The following CCDC150 variants were observed in gnomAD, a reference collection of about 807,000 sequenced individuals.
CCDC150 encodes coiled-coil domain containing 150, also known as coiled-coil domain-containing protein 150.
In CCDC150, 151 loss-of-function variants were observed where a neutral mutation model predicts 156.5. That is an observed-to-expected ratio of 0.97 (90% CI 0.85 to 1.10). The LOEUF is 1.10. CCDC150 is among the 50% of genes least tolerant of loss of function. The pLI, the probability that CCDC150 is intolerant of heterozygous loss-of-function variation, is 0.00. For missense variants in CCDC150, 1,312 were observed against 1,268.1 expected, an observed-to-expected ratio of 1.03 and a Z score of -0.53; for synonymous variants, 452 against 429.4, an observed-to-expected ratio of 1.05 and a Z score of -0.65.
rs546972587 is a variant in CCDC150 at position 196,714,411 on chromosome 2, G to A, written c.1866+1672G>A. Among the ~76,000 whole-genome samples, 11 of 152,258 alleles carry A rather than the reference G, an allele frequency of 7.2e-5. No homozygotes were observed. In the East Asian group the frequency reaches 1.5e-3, roughly 21 times the overall value. ...GAAGGGATGGCCCATGCTTGGCTCC[G>A]GGCCAATCCAAGACACTCTCCCTTT... is the stretch of plus-strand genomic sequence containing the variant. On this transcript the variant is annotated intron_variant, in intron 17 of 27. Coordinates refer to ENST00000389175, the MANE Select transcript of CCDC150 (RefSeq NM_001080539.2).
At chr2:196,723,546 C>T (rs2125710945) in intron 21 of CCDC150, among the ~76,000 whole-genome samples, 1 of 152,194 alleles carries the variant, frequency 6.6e-6, no homozygotes, top group South Asian at 2.1e-4. Context: ...GTGGGTTAGA[C>T]TGCCATGGGA....
At chr2:196,694,512 G>A (rs1055131319) in intron 13 of CCDC150, among the ~76,000 whole-genome samples, 1 of 152,130 alleles carries the variant, frequency 6.6e-6, no homozygotes, top group Non-Finnish European at 1.5e-5. Flanking sequence ...GAGAAAAAGG[G>A]TTCTTTTTAG....
chr2:196,709,367 G>T (rs531583750), intron 15 of CCDC150, among the ~76,000 whole-genome samples: 11 of 152,238 alleles, frequency 7.2e-5, no homozygotes, highest in Non-Finnish European at 1.5e-4. Flanking sequence ...GTCATTTATG[G>T]TCTTCTCTAC....
At chr2:196,669,395 T>A (rs1323702219) in intron 7 of CCDC150, among the ~76,000 whole-genome samples, 1 of 152,316 alleles carries the variant, frequency 6.6e-6, no homozygotes, top group East Asian at 1.9e-4. Flanking sequence ...AGCCATCAAG[T>A]CCAAAAGTGC....
In CCDC150 at chr2:196,712,547, A is replaced by T. The variant is rs1486559962; in HGVS notation, c.1804-130A>T. ...AAAGTTATGCTTTTCAGAAAAATAG[A>T]TTGTATTACTGAACATTCATAGGGA... On this transcript the variant is annotated intron_variant, in intron 16 of 27. Transcript: ENST00000389175. The T allele has an allele frequency of 6.3e-6, 4 of 633,952 alleles. No homozygotes were observed. In the East Asian group the frequency reaches 1.1e-4, roughly 17 times the overall value. 39.3% of individuals were successfully genotyped at this position (633,952 alleles called of 1,614,324 possible).
Position 196,646,453 on chromosome 2 carries a change from A to G in CCDC150, c.125A>G (p.Gln42Arg). The G allele has an allele frequency of 2.5e-6, 4 of 1,613,876 alleles. No homozygotes were observed. Among genetic ancestry groups the G allele is most frequent in the Non-Finnish European group, 3.4e-6 (4 of 1,179,742 alleles). ...CAAAGGATGAGAATAGTTGAGGAAC[A>G]GACCAGTTCACTGAGGGATGACCTA... Reference protein sequence around the residue: ...LQQRMRIVEEQTSSLRDDLIM... With the variant: ...LQQRMRIVEERTSSLRDDLIM... The change falls in exon 2 of 28, where the codon CAG becomes CGG. Residue 42 changes from glutamine (Q) to arginine (R), a missense_variant. Physicochemically the swap from Gln to Arg is conservative, Grantham distance 43. Transcript: ENST00000389175.
chr2:196,658,472 C>T (rs566321588), intron 4 of CCDC150, among the ~76,000 whole-genome samples: 4 of 152,012 alleles, frequency 2.6e-5, no homozygotes, highest in East Asian at 1.9e-4. Context: ...AAGAATATAC[C>T]GTGTAAGTAA....
At chr2:196,684,667 T>C (rs1402771871) in intron 13 of CCDC150, among the ~76,000 whole-genome samples, 1 of 152,136 alleles carries the variant, frequency 6.6e-6, no homozygotes, top group Non-Finnish European at 1.5e-5. Context: ...CAACTATTAC[T>C]GTTAAATTAT....
At position 196,696,513 on chromosome 2, in the gene CCDC150, C is replaced by A. The variant is rs768128576; in HGVS notation, c.1623+1354C>A. Among the ~76,000 whole-genome samples, 2 of 152,134 alleles carry A rather than the reference C, an allele frequency of 1.3e-5. 1 individual carries two copies. The highest frequency in any genetic ancestry group is 6.3e-3 in the Middle Eastern group (2 of 316). ...TGCCAGTGAGCAGGCCTAGCCTTAC[C>A]CTATTAATGACTTTGACAGATCTTG... On this transcript the variant is annotated intron_variant, in intron 14 of 27. Transcript: ENST00000389175.
intron 8 of CCDC150, among the ~76,000 whole-genome samples, chr2:196,671,427 CTTTTTT>C (rs397987214): frequency 1.8e-5 from 2 of 108,612 alleles, no homozygotes; most frequent in Non-Finnish European, 3.6e-5. Flanking sequence ...TTTTCTCTCT[CTTTTTT>C]TTTTTTTTTT....
At chr2:196,668,804 G>A (rs540295259) in intron 7 of CCDC150, among the ~76,000 whole-genome samples, 1 of 152,070 alleles carries the variant, frequency 6.6e-6, no homozygotes, top group East Asian at 1.9e-4. Context: ...TTGGTTAGTA[G>A]AATTTTCCCG....
rs1465517012 is a variant in CCDC150 at position 196,721,651 on chromosome 2, G to C, written c.2389G>C (p.Glu797Gln). The stretch of plus-strand genomic sequence containing the variant: ...GCTAGATCACATTCAAGAGCAATTG[G>C]AAAGCAAAGAACTTGAGCGACAGAA... ...TKLDHIQEQL[E>Q]SKELERQNLE... is the part of the protein sequence containing the mutation. The change falls in exon 21 of 28, where the codon GAA becomes CAA. Residue 797 changes from glutamate (E) to glutamine (Q), a missense_variant. Coordinates refer to ENST00000389175, the MANE Select transcript of CCDC150 (RefSeq NM_001080539.2). 18 of 1,602,626 alleles carry C rather than the reference G, an allele frequency of 1.1e-5. No homozygotes were observed. The highest frequency in any genetic ancestry group is 1.4e-5 in the Non-Finnish European group (17 of 1,175,054).
At chr2:196,677,675 T>G (rs1694593205) in intron 13 of CCDC150, among the ~76,000 whole-genome samples, 1 of 152,192 alleles carries the variant, frequency 6.6e-6, no homozygotes, top group Admixed American at 6.5e-5. Context: ...AAGAGATGAT[T>G]GCTGACTAGG....
At chr2:196,704,997 G>A (rs1177833629) in intron 15 of CCDC150, among the ~76,000 whole-genome samples, 1 of 152,168 alleles carries the variant, frequency 6.6e-6, no homozygotes, top group Non-Finnish European at 1.5e-5. Flanking sequence ...ATTGTGAATA[G>A]TGCCGCAATA....
In CCDC150 at chr2:196,729,877, A is replaced by G. The variant is rs1441161156; in HGVS notation, c.2820+16A>G. The G allele has an allele frequency of 2.0e-5, 32 of 1,600,998 alleles. No homozygotes were observed. Among genetic ancestry groups the G allele is most frequent in the Non-Finnish European group, 2.6e-5 (31 of 1,171,478 alleles). On this transcript the variant is annotated intron_variant, in intron 24 of 27. Coordinates refer to ENST00000389175, the MANE Select transcript of CCDC150 (RefSeq NM_001080539.2). ...CTATGAACAGGTAGATGATTTCCATATACTCTGTGTTTACCTTTCATGCAA... is the reference window on the plus strand; with the variant it reads ...CTATGAACAGGTAGATGATTTCCATGTACTCTGTGTTTACCTTTCATGCAA...
intron 21 of CCDC150, among the ~76,000 whole-genome samples, chr2:196,722,905 A>G (rs1698006011): frequency 6.6e-6 from 1 of 152,228 alleles, no homozygotes; most frequent in African/African-American, 2.4e-5. Flanking sequence ...TAGGTCATTT[A>G]CAGGAAAAGG....
At chr2:196,731,932 T>G in intron 26 of CCDC150, 101 bp from the exon 27 acceptor site, 1 of 1,057,522 alleles carries the variant, frequency 9.5e-7, no homozygotes, top group Non-Finnish European at 1.4e-6. Flanking sequence ...AGTCAGAATT[T>G]GGGTCTTTTA....
chr2:196,667,995 C>G (rs1386809402), intron 7 of CCDC150: 1 of 152,154 alleles, frequency 6.6e-6, no homozygotes, highest in African/African-American at 2.4e-5. Context: ...AAAATACACA[C>G]ATTCTATAGA....
chr2:196,690,309 C>G (rs1446561482), intron 13 of CCDC150, among the ~76,000 whole-genome samples: 1 of 151,750 alleles, frequency 6.6e-6, no homozygotes, highest in Non-Finnish European at 1.5e-5. Flanking sequence ...GTGCAGCACA[C>G]CAGCATGGCA....
Sources: allele counts gnomAD v4.1 joint callset (sites outside exome capture counted in the v4.1 genomes callset), GRCh38; gene constraint gnomAD v4.1.1; transcripts MANE v1.5; gene names NCBI Gene and HGNC (gene_info 2026-07-23, HGNC 2026-07-21).